Variants in TNNT2 observed in about 807,000 individuals in gnomAD.
TNNT2 encodes the protein troponin T, cardiac muscle.
A neutral mutation model predicts 62.4 loss-of-function variants in TNNT2; 34 were observed. The observed-to-expected ratio is 0.54, with a 90% CI of 0.41 to 0.72. TNNT2 has a LOEUF of 0.72. Ranked by LOEUF, TNNT2 falls within the 30% of genes least tolerant of loss-of-function variation. TNNT2 has a pLI of 0.00. For missense variants in TNNT2, 275 were observed against 381.9 expected (o/e 0.72, Z 2.33); for synonymous variants, 123 against 127.2 (o/e 0.97, Z 0.22).
intron 15 of TNNT2, 126 bp from the exon 16 acceptor site, chr1:201,359,789 G>T: frequency 1.2e-6 from 1 of 834,768 alleles, no homozygotes; most frequent in South Asian, 1.4e-5. Flanking sequence ...GAGCATGGAA[G>T]AGTAGGAGGG....
At chr1:201,366,796 G>C (rs1429650323) in intron 8 of TNNT2, 42 bp downstream of exon 8, 9 of 1,613,740 alleles carry the variant, frequency 5.6e-6, no homozygotes, top group Admixed American at 1.7e-5. Flanking sequence ...CTCTCTCCCT[G>C]AGCCTCTGCT....
intron 11 of TNNT2, 57 bp downstream of exon 11, chr1:201,364,241 C>A: frequency 6.4e-7 from 1 of 1,556,172 alleles, no homozygotes; most frequent in Non-Finnish European, 8.8e-7. Context: ...GCCTGGGGGC[C>A]CAGCAGGAGC....
chr1:201,365,663 T>G lies in TNNT2; in HGVS notation c.241A>C (p.Met81Leu), dbSNP rs1311480063. Residue 81 changes from methionine to leucine, a missense_variant, in exon 9 of 17, where the codon ATG (methionine) becomes CTG (leucine). By Grantham distance (15) the Met-to-Leu change is conservative (BLOSUM62 2). Transcript: ENST00000656932. ...EESKPKPRSFMPNLVPPKIPD... is the reference protein window; with the variant it reads ...EESKPKPRSFLPNLVPPKIPD... ...ATCTTGGGAGGCACCAAGTTGGGCA[T>G]GAACGACCTGTTGGAGAGAGGAATA... 1.2e-6 allele frequency: 2 copies of G among 1,613,834 alleles called. No individual in the cohort carries two copies. Among genetic ancestry groups the G allele is most frequent in the East Asian group, 2.2e-5 (1 of 44,900 alleles).
intron 4 of TNNT2, among the ~76,000 whole-genome samples, chr1:201,370,414 G>T (rs1660443821): frequency 6.6e-6 from 1 of 152,192 alleles, no homozygotes; most frequent in African/African-American, 2.4e-5. Flanking sequence ...CTGTTGGGAG[G>T]ATGCTGCCCC....
chr1:201,375,814 T>A (rs1210345967), intron 1 of TNNT2, among the ~76,000 whole-genome samples: 1 of 152,244 alleles, frequency 6.6e-6, no homozygotes, highest in Non-Finnish European at 1.5e-5. Flanking sequence ...CCTCTCCTAC[T>A]CTGCCCTTCC....
chr1:201,361,990 C>T lies in TNNT2; in HGVS notation c.642G>A (p.Glu214=), dbSNP rs772300998. 7 of 1,614,090 alleles carry T rather than the reference C, an allele frequency of 4.3e-6. No individual in the cohort carries two copies. The highest frequency in any genetic ancestry group is 1.1e-5 in the South Asian group (1 of 91,088). Residue 214 remains glutamate (E), a synonymous_variant, in exon 14 of 17, where the codon GAG becomes GAA. Coordinates refer to ENST00000656932, the MANE Select transcript of TNNT2 (RefSeq NM_001276345.2). ...CCAGAATCTTCTTCTTCTTTTCCCG[C>T]TCAGTCTGCCTCTTCCCACTTTTCC... ...TERKSGKRQT[E]REKKKKILAE...
At chr1:201,367,430 C>T (rs1034826093) in intron 7 of TNNT2, 1 of 482,488 alleles carries the variant, frequency 2.1e-6, no homozygotes. Context: ...ATTGGGATTT[C>T]ATCCTACGGA....
intron 13 of TNNT2, 94 bp downstream of exon 13, chr1:201,362,292 T>C (rs1658818253): frequency 1.3e-6 from 2 of 1,566,136 alleles, no homozygotes; most frequent in Admixed American, 1.9e-5. Flanking sequence ...CAGCCCAATC[T>C]CTTCACTCCT....
chr1:201,374,158 A>G (rs1661054423), intron 1 of TNNT2: 2 of 152,214 alleles, frequency 1.3e-5, no homozygotes, highest in Admixed American at 1.3e-4. Flanking sequence ...GTTTTGATAT[A>G]GTACTAATTT....
intron 4 of TNNT2, 113 bp downstream of exon 4, chr1:201,371,914 G>T: frequency 2.1e-6 from 3 of 1,410,516 alleles, no homozygotes; most frequent in Non-Finnish European, 2.0e-6. Flanking sequence ...GGAGGATCTT[G>T]CTCAGCTGAG....
At chr1:201,373,510 T>C (rs981876851) in intron 1 of TNNT2, 1 of 564,732 alleles carries the variant, frequency 1.8e-6, no homozygotes, top group Non-Finnish European at 3.2e-6. Flanking sequence ...GAACAGGCAA[T>C]ACTGCCTGGG....
chr1:201,372,521 C>G (rs1176337668), intron 2 of TNNT2, among the ~76,000 whole-genome samples: 1 of 152,184 alleles, frequency 6.6e-6, no homozygotes, highest in African/African-American at 2.4e-5. Context: ...GACCTGCCTT[C>G]TCCACACAGC....
intron 4 of TNNT2, among the ~76,000 whole-genome samples, chr1:201,371,448 T>G (rs1452207951): frequency 6.6e-6 from 1 of 152,236 alleles, no homozygotes; most frequent in African/African-American, 2.4e-5. Context: ...AATTTCATAC[T>G]CACAATCGCA....
At chr1:201,362,933 A>C (rs1352446802) in intron 12 of TNNT2, among the ~76,000 whole-genome samples, 1 of 152,224 alleles carries the variant, frequency 6.6e-6, no homozygotes, top group African/African-American at 2.4e-5. Flanking sequence ...GCAAAAGGTC[A>C]CACAACTGTA....
intron 15 of TNNT2, 143 bp downstream of exon 15, chr1:201,361,136 C>T: frequency 1.2e-6 from 1 of 820,242 alleles, no homozygotes. Context: ...GAAGGCCAGG[C>T]AGCAGGGGCA....
intron 10 of TNNT2, among the ~76,000 whole-genome samples, chr1:201,364,761 T>C (rs1659354539): frequency 6.6e-6 from 1 of 152,114 alleles, no homozygotes; most frequent in Non-Finnish European, 1.5e-5. Flanking sequence ...GCAAGTTTGA[T>C]GGGGAGAAAC....
chr1:201,365,052 G>A lies in TNNT2; in HGVS notation c.411+139C>T. ...TGCAGGAGCTGTGCAGAATGCTGGA[G>A]GGCCTCTGAAGGAGACCTCACACCT... On this transcript the variant is annotated intron_variant, in intron 10 of 16. Transcript: ENST00000656932. 3.8e-6 allele frequency: 3 copies of A among 787,714 alleles called. No homozygotes were observed. The Admixed American group carries it at 5.1e-5, about 13-fold the overall frequency. 48.8% of individuals were successfully genotyped at this position (787,714 alleles called of 1,614,324 possible).
chr1:201,367,605 C>A, intron 7 of TNNT2, 166 bp downstream of exon 7: 1 of 805,638 alleles, frequency 1.2e-6, no homozygotes, highest in Non-Finnish European at 2.2e-6. Context: ...AAGTTGAAAG[C>A]TCAACATCTA....
intron 12 of TNNT2, 31 bp downstream of exon 12, chr1:201,363,265 C>T: frequency 6.2e-7 from 1 of 1,613,350 alleles, no homozygotes; most frequent in Non-Finnish European, 8.5e-7. Context: ...ATACTAGGAT[C>T]TCCTGGCAAC....
Sources: gnomAD v4.1 joint callset for allele counts (sites outside exome capture counted in the v4.1 genomes callset) on GRCh38, gnomAD v4.1.1 for gene constraint, MANE v1.5 for transcripts, NCBI Gene and HGNC (gene_info 2026-07-23, HGNC 2026-07-21) for gene names.